PLEKHA5: variants seen among roughly 807,000 people sequenced by gnomAD.
PLEKHA5 encodes pleckstrin homology domain containing A5.
In PLEKHA5, 55 loss-of-function variants were observed where a neutral mutation model predicts 181.9. The ratio of observed to expected loss-of-function variants is 0.30; its 90% CI spans 0.24 to 0.38. PLEKHA5 has a LOEUF of 0.38. PLEKHA5 is among the 10% of genes least tolerant of loss of function. PLEKHA5 has a pLI of 1.00. For missense variants in PLEKHA5, 1,432 were observed against 1,549.5 expected (o/e 0.92, Z 1.27); for synonymous variants, 535 against 529.4 (o/e 1.01, Z -0.15).
intron 15 of PLEKHA5, chr12:19,307,427 G>A (rs951968138): frequency 3.7e-6 from 1 of 267,774 alleles, no homozygotes; most frequent in African/African-American, 2.3e-5. Flanking sequence ...AGCCGAGATT[G>A]TGCCATTGCA....
At chr12:19,164,689 C>T (rs567773362) in intron 3 of PLEKHA5, among the ~76,000 whole-genome samples, 8 of 152,236 alleles carry the variant, frequency 5.3e-5, no homozygotes, top group African/African-American at 1.9e-4. Context: ...CATCTTCTAC[C>T]TTAAATGCTG....
At chr12:19,320,373 T>G (rs541603362) in intron 17 of PLEKHA5, among the ~76,000 whole-genome samples, 189 bp from the exon 18 acceptor site, 2 of 152,292 alleles carry the variant, frequency 1.3e-5, no homozygotes, top group South Asian at 4.1e-4. Context: ...TCTTGCATAT[T>G]ATATCACTGT....
chr12:19,371,579 G>A (rs2095577531), intron 31 of PLEKHA5: 2 of 181,712 alleles, frequency 1.1e-5, no homozygotes, highest in Admixed American at 1.2e-4. Flanking sequence ...TTCCTTTCCT[G>A]AGTTACTTTA....
In PLEKHA5 at chr12:19,162,645, T is replaced by A. The variant is rs150615708; in HGVS notation, c.227+30195T>A. The stretch of plus-strand genomic sequence containing the variant: ...AGAGACAGGCCATCTTTCTTTTTAA[T>A]GAACTTCAGCAACTTTATTGAACAA... On this transcript the variant is annotated intron_variant, in intron 3 of 31. Coordinates refer to ENST00000429027, the MANE Select transcript of PLEKHA5 (RefSeq NM_001256470.2). Among the ~76,000 whole-genome samples the A allele has an allele frequency of 4.0e-3, 612 of 151,934 alleles. 4 individuals carry two copies. The highest frequency in any genetic ancestry group is 0.014 in the African/African-American group (574 of 41,454).
chr12:19,258,553 TTC>T (rs1197475999), intron 6 of PLEKHA5, among the ~76,000 whole-genome samples: 1 of 107,798 alleles, frequency 9.3e-6, no homozygotes, highest in Non-Finnish European at 2.2e-5. Flanking sequence ...TCTTTTTTTT[TTC>T]TTTTTCTTTT....
intron 11 of PLEKHA5, among the ~76,000 whole-genome samples, chr12:19,282,961 C>T (rs2152799778): frequency 6.6e-6 from 1 of 151,494 alleles, no homozygotes; most frequent in Admixed American, 6.6e-5. Flanking sequence ...TTTGGGAGGC[C>T]GAAGTGGGTG....
At position 19,330,215 on chromosome 12, in the gene PLEKHA5, T is replaced by A. The variant is rs565712155; in HGVS notation, c.2449-6300T>A. Among the ~76,000 whole-genome samples, 23 of 152,330 alleles carry A rather than the reference T, an allele frequency of 1.5e-4. No individual in the cohort carries two copies. In the South Asian group the frequency reaches 3.9e-3, roughly 26 times the overall value. Reference sequence around the variant, plus strand: ...CTTTCTTTGAGATGAGAAGTTAGTTTTGTTTCATTGAAAACATTAGAGAAG... The same window carrying A: ...CTTTCTTTGAGATGAGAAGTTAGTTATGTTTCATTGAAAACATTAGAGAAG... On this transcript the variant is annotated intron_variant, in intron 20 of 31. Transcript: ENST00000429027.
chr12:19,296,598 C>G (rs943811044), intron 15 of PLEKHA5, among the ~76,000 whole-genome samples: 2 of 151,766 alleles, frequency 1.3e-5, no homozygotes, highest in Non-Finnish European at 2.9e-5. Context: ...CTTAGGAACA[C>G]GTATGCCTTC....
Position 19,140,392 on chromosome 12 carries a change from A to G in PLEKHA5, c.227+7942A>G, listed in dbSNP as rs543407286. On this transcript the variant is annotated intron_variant, in intron 3 of 31. Coordinates refer to ENST00000429027, the MANE Select transcript of PLEKHA5 (RefSeq NM_001256470.2). The stretch of plus-strand genomic sequence containing the variant: ...AAATCAGTGGGTCCAGTAGAAACCC[A>G]AAAGAAATAAAGAGGTCCTCATGAG... 1.2e-4 allele frequency among the ~76,000 whole-genome samples: 18 copies of G among 152,322 alleles called. No individual in the cohort carries two copies. In the South Asian group the frequency reaches 3.7e-3, roughly 32 times the overall value.
At chr12:19,252,578 A>G (rs890860309) in intron 3 of PLEKHA5, among the ~76,000 whole-genome samples, 53 of 152,250 alleles carry the variant, frequency 3.5e-4, no homozygotes, top group African/African-American at 1.2e-3. Context: ...AAAGAATACT[A>G]TTTCTTAGGC....
intron 23 of PLEKHA5, 130 bp downstream of exon 23, chr12:19,346,018 C>A: frequency 2.2e-6 from 1 of 444,584 alleles, no homozygotes; most frequent in East Asian, 4.0e-5. Flanking sequence ...TTGTTTTAGT[C>A]TTGAAATTTT....
intron 31 of PLEKHA5, among the ~76,000 whole-genome samples, chr12:19,374,136 G>C (rs925349943): frequency 6.6e-6 from 1 of 152,146 alleles, no homozygotes; most frequent in East Asian, 1.9e-4. Context: ...CTTTACAAAT[G>C]ACACTACGAT....
intron 6 of PLEKHA5, among the ~76,000 whole-genome samples, chr12:19,260,390 T>TA (rs2068111622): frequency 6.6e-6 from 1 of 152,214 alleles, no homozygotes; most frequent in Non-Finnish European, 1.5e-5. Context: ...TGCTTACAAA[T>TA]ACGAAGCCAA....
intron 3 of PLEKHA5, chr12:19,205,229 C>A (rs748570767): frequency 1.0e-5 from 2 of 196,042 alleles, no homozygotes; most frequent in Non-Finnish European, 1.8e-5. Context: ...AGATGAAATA[C>A]CAAGTCATTT....
At chr12:19,180,463 G>A (rs902884048) in intron 3 of PLEKHA5, among the ~76,000 whole-genome samples, 10 of 152,090 alleles carry the variant, frequency 6.6e-5, no homozygotes, top group African/African-American at 2.2e-4. Context: ...TTGCCTTGTG[G>A]TTGAATCCAG....
At chr12:19,182,265 G>A (rs767244888) in intron 3 of PLEKHA5, among the ~76,000 whole-genome samples, 27 of 152,158 alleles carry the variant, frequency 1.8e-4, no homozygotes, top group Admixed American at 3.3e-4. Context: ...GAAGCAGATT[G>A]TTTTTTCGCA....
rs181333149 is a variant in PLEKHA5 at position 19,164,285 on chromosome 12, G to A, written c.227+31835G>A. ...GCAAACTCTGCTCACTGTAACTTCCGCCTCCCGGGTTCAAGCGATTCTCCT... is the reference window on the plus strand; with the variant it reads ...GCAAACTCTGCTCACTGTAACTTCCACCTCCCGGGTTCAAGCGATTCTCCT... On this transcript the variant is annotated intron_variant, in intron 3 of 31. Transcript: ENST00000429027. Among the ~76,000 whole-genome samples, 7 of 140,908 alleles carry A rather than the reference G, an allele frequency of 5.0e-5. No homozygotes were observed. In the East Asian group the frequency reaches 6.8e-4, roughly 14 times the overall value. 92.4% of individuals were successfully genotyped at this position (140,908 alleles called of 152,430 possible). A position where few individuals can be genotyped will look rare whatever the true frequency, so the allele number is the denominator to read the frequency against.
At chr12:19,234,278 A>T (rs1395974762) in intron 3 of PLEKHA5, among the ~76,000 whole-genome samples, 2 of 152,086 alleles carry the variant, frequency 1.3e-5, no homozygotes, top group Non-Finnish European at 2.9e-5. Flanking sequence ...TGCTCTACAA[A>T]TGAGGTTGTG....
At chr12:19,364,418 C>A (rs1229737835) in intron 29 of PLEKHA5, among the ~76,000 whole-genome samples, 1 of 151,676 alleles carries the variant, frequency 6.6e-6, no homozygotes, top group African/African-American at 2.4e-5. Context: ...GACTGAGGCA[C>A]AAGAATTGCT....
Sources: gnomAD v4.1 joint callset for allele counts (sites outside exome capture counted in the v4.1 genomes callset) on GRCh38, gnomAD v4.1.1 for gene constraint, MANE v1.5 for transcripts, NCBI Gene and HGNC (gene_info 2026-07-23, HGNC 2026-07-21) for gene names.